The following GPHN variants were observed in gnomAD, a reference collection of about 807,000 sequenced individuals.
GPHN encodes the protein gephyrin.
Under a neutral mutation model 95.5 loss-of-function variants are expected in GPHN, and 17 were observed. The ratio of observed to expected loss-of-function variants is 0.18; its 90% CI spans 0.12 to 0.27. GPHN has a LOEUF of 0.27. GPHN is among the 10% of genes least tolerant of loss of function. The probability of loss-of-function intolerance (pLI) is 1.00; values close to 1 mark genes in which losing one functional copy is unlikely to be tolerated. For missense variants in GPHN, 660 were observed against 978.1 expected (o/e 0.67, Z 4.34); for synonymous variants, 320 against 322.5 (o/e 0.99, Z 0.08).
chr14:67,240,052 C>A, the GPHN span, among the ~76,000 whole-genome samples: 1 of 152,182 alleles, frequency 6.6e-6, no homozygotes, highest in Admixed American at 6.5e-5. Flanking sequence ...GTGTCGTCCA[C>A]CTGTATTCGA....
At chr14:67,341,205 C>T in the GPHN span, among the ~76,000 whole-genome samples, 1 of 152,128 alleles carries the variant, frequency 6.6e-6, no homozygotes, top group Non-Finnish European at 1.5e-5. Flanking sequence ...CTGTGACTGG[C>T]CGCCATCCCA....
Position 66,797,881 on chromosome 14 carries a change from T to G in GPHN, c.201+21360T>G, listed in dbSNP as rs185071950. 1.1e-4 allele frequency among the ~76,000 whole-genome samples: 17 copies of G among 152,100 alleles called. No individual in the cohort carries two copies. In the East Asian group the frequency reaches 3.3e-3, roughly 29 times the overall value. ...CTATGTTGAGTAACACTGATGACAA[T>G]GGGCATACTGGTCTTCTACCAGATC... On this transcript the variant is annotated intron_variant, in intron 3 of 22. Coordinates refer to ENST00000478722, the MANE Select transcript of GPHN (RefSeq NM_020806.5).
chr14:66,789,403 C>G (rs2059895687), intron 3 of GPHN, among the ~76,000 whole-genome samples: 1 of 152,188 alleles, frequency 6.6e-6, no homozygotes, highest in Non-Finnish European at 1.5e-5. Context: ...TTAATTAGAG[C>G]TCTTTCCTAT....
the GPHN span, among the ~76,000 whole-genome samples, chr14:67,195,986 A>T: frequency 6.6e-6 from 1 of 152,094 alleles, no homozygotes; most frequent in Non-Finnish European, 1.5e-5. Context: ...GGGTTTCGCC[A>T]TGTTGGCCAG....
chr14:66,863,428 C>G (rs540352754), intron 4 of GPHN, among the ~76,000 whole-genome samples: 6 of 152,108 alleles, frequency 3.9e-5, no homozygotes, highest in Non-Finnish European at 7.4e-5. Context: ...CAATCCCTAT[C>G]AAAACACCAA....
chr14:66,523,996 T>C (rs1196276399), intron 1 of GPHN, among the ~76,000 whole-genome samples: 2 of 152,096 alleles, frequency 1.3e-5, no homozygotes, highest in South Asian at 2.1e-4. Context: ...CTATTTGTAG[T>C]GTAGTAACTA....
chr14:67,378,790 A>G, the GPHN span, among the ~76,000 whole-genome samples: 1 of 152,034 alleles, frequency 6.6e-6, no homozygotes, highest in Admixed American at 6.5e-5. Context: ...AGTTCTTTGC[A>G]TTTTTCTTTT....
chr14:66,965,207 T>C lies in GPHN; in HGVS notation c.845T>C (p.Ile282Thr), dbSNP rs2069237695. 6.2e-7 allele frequency: 1 copy of C among 1,612,014 alleles called. No individual in the cohort carries two copies. The highest frequency in any genetic ancestry group is 1.3e-5 in the African/African-American group (1 of 74,882). The change falls in exon 9 of 23, where the codon ATT becomes ACT. Residue 282 changes from isoleucine (I) to threonine (T), a missense_variant. By Grantham distance (89) the Ile-to-Thr change is moderately conservative. Around this residue, in one of 6 missense-constraint regions of GPHN, gnomAD observed 190 missense variants for 224.7 expected, o/e 0.85. Transcript: ENST00000478722. ...STDERIPDSI[I>T]SRGVQVLPRD... ...CTTGTTCAGATTCCAGACTCCATCA[T>C]TTCTCGTGGTGTTCAGGTGCTCCCA... is the stretch of plus-strand genomic sequence containing the variant.
At chr14:67,652,492 T>G in the GPHN span, 2 of 173,224 alleles carry the variant, frequency 1.2e-5, no homozygotes, top group African/African-American at 4.7e-5. Flanking sequence ...TTAGATGCAC[T>G]GGAATTCCAT....
At chr14:66,757,563 T>G (rs544180156) in intron 2 of GPHN, among the ~76,000 whole-genome samples, 1 of 152,260 alleles carries the variant, frequency 6.6e-6, no homozygotes, top group African/African-American at 2.4e-5. Context: ...CTAACTTTTG[T>G]ATTTTTAGTA....
At chr14:67,471,164 G>T in the GPHN span, 1 of 152,348 alleles carries the variant, frequency 6.6e-6, no homozygotes, top group South Asian at 2.1e-4. Context: ...AGGACCTCCT[G>T]CACTTGGGAA....
At chr14:67,249,412 A>C in the GPHN span, among the ~76,000 whole-genome samples, 1 of 152,204 alleles carries the variant, frequency 6.6e-6, no homozygotes, top group Non-Finnish European at 1.5e-5. Context: ...ACCTTGAAAG[A>C]TGATTGAAAA....
At chr14:67,144,271 A>ATATATATATATATATATG (rs2080750863) in intron 18 of GPHN, among the ~76,000 whole-genome samples, 1 of 125,830 alleles carries the variant, frequency 7.9e-6, no homozygotes, top group Admixed American at 8.8e-5. Flanking sequence ...ATATATATAT[A>ATATATATATATATATATG]TATATATATA....
At position 66,666,508 on chromosome 14, in the gene GPHN, T is replaced by G. The variant is rs1309845892; in HGVS notation, c.65-14599T>G. On this transcript the variant is annotated intron_variant, in intron 1 of 22. Transcript: ENST00000478722. The stretch of plus-strand genomic sequence containing the variant: ...AAATCAATAAATGTGATTTATCACA[T>G]AAACAGAACTAAAGACCAAAACCAC... Among the ~76,000 whole-genome samples the G allele has an allele frequency of 2.0e-5, 3 of 152,106 alleles. No individual in the cohort carries two copies. In the East Asian group the frequency reaches 5.8e-4, roughly 29 times the overall value.
the GPHN span, among the ~76,000 whole-genome samples, chr14:67,284,437 A>AAAAAAAAAAAC: frequency 6.8e-6 from 1 of 148,054 alleles, no homozygotes; most frequent in African/African-American, 2.5e-5. Flanking sequence ...CTTAAAAAAA[A>AAAAAAAAAAAC]AAAAAAACAG....
chr14:67,228,758 ACAC>A, the GPHN span, among the ~76,000 whole-genome samples: 2 of 152,202 alleles, frequency 1.3e-5, no homozygotes, highest in Non-Finnish European at 2.9e-5. Context: ...TATTAGTCCA[ACAC>A]TGTTTTGTTT....
At chr14:66,589,839 C>T (rs562019159) in intron 1 of GPHN, among the ~76,000 whole-genome samples, 145 of 152,298 alleles carry the variant, frequency 9.5e-4, no homozygotes, top group African/African-American at 3.2e-3. Flanking sequence ...ACCTAATAGA[C>T]ATCTACAGAA....
the GPHN span, chr14:67,387,160 G>A: frequency 3.5e-6 from 2 of 573,782 alleles, no homozygotes; most frequent in African/African-American, 2.0e-5. Flanking sequence ...GATGGGGAAG[G>A]AAATGGCACC....
At chr14:67,541,138 C>T in the GPHN span, among the ~76,000 whole-genome samples, 1 of 152,116 alleles carries the variant, frequency 6.6e-6, no homozygotes, top group African/African-American at 2.4e-5. Context: ...GGACACAATC[C>T]CATCTAAATA....
Sources: allele counts gnomAD v4.1 joint callset (sites outside exome capture counted in the v4.1 genomes callset), GRCh38; gene constraint gnomAD v4.1.1; regional missense constraint gnomAD v4.1.1; transcripts MANE v1.5; gene names NCBI Gene and HGNC (gene_info 2026-07-23, HGNC 2026-07-21).